Variants in SPDL1 observed in about 807,000 individuals in gnomAD.
The protein encoded by SPDL1 is protein Spindly.
Under a neutral mutation model 79.5 loss-of-function variants are expected in SPDL1, and 85 were observed. That is an observed-to-expected ratio of 1.07 (90% confidence interval 0.90 to 1.28). The LOEUF (loss-of-function observed/expected upper bound fraction) is 1.28. SPDL1 is among the 50% of genes most tolerant of loss of function. The pLI is 0.00. For missense variants in SPDL1, 703 were observed against 697.8 expected, an observed-to-expected ratio of 1.01 and a Z score of -0.08; for synonymous variants, 269 against 240.3, an observed-to-expected ratio of 1.12 and a Z score of -1.10.
At chr5:169,600,096 T>C (rs992550232) in intron 10 of SPDL1, among the ~76,000 whole-genome samples, 1 of 152,184 alleles carries the variant, frequency 6.6e-6, no homozygotes, top group Non-Finnish European at 1.5e-5. Context: ...AAGAATGTGA[T>C]GGTTCTACAA....
intron 7 of SPDL1, chr5:169,595,574 G>A (rs1020846463): frequency 2.0e-5 from 3 of 152,168 alleles, no homozygotes; most frequent in Non-Finnish European, 4.4e-5. Flanking sequence ...GCAAATGAGT[G>A]TTTAATGAAC....
In SPDL1 at chr5:169,601,281, GAC is replaced by G; in HGVS notation, c.1328_1329del (p.Thr443SerfsTer2). 1 of 1,592,482 alleles carries G rather than the reference GAC, an allele frequency of 6.3e-7. No individual in the cohort carries two copies. Among genetic ancestry groups the G allele is most frequent in the Non-Finnish European group, 8.5e-7 (1 of 1,171,072 alleles). On this transcript the variant is annotated frameshift_variant and splice_region_variant, in exon 11 of 12. Transcript: ENST00000265295. LOFTEE classifies it high-confidence loss of function. ...TTCCCCACTCGTTTTTATTCTCAGA[GAC>G]AGTTGAAGTGCCTGTACTGAAAAAG... ...ELKLKYEPEE[T>X]VEVPVLKKRR...
In SPDL1 at chr5:169,594,220, C is replaced by T. The variant is rs753781869; in HGVS notation, c.607C>T (p.Arg203Cys). The change falls in exon 5 of 12, where the codon CGC becomes TGC. Residue 203 changes from arginine (R) to cysteine (C), a missense_variant. Arg to Cys is a radical substitution (Grantham distance 180). Coordinates refer to ENST00000265295, the MANE Select transcript of SPDL1 (RefSeq NM_017785.5). ...QLELLITNLM[R>C]QVDRLKEEKE... ...AGAACTTCTTATTACTAACCTAATGCGCCAGGTAGACCGGCTTAAAGAGGA... is the reference window on the plus strand; with the variant it reads ...AGAACTTCTTATTACTAACCTAATGTGCCAGGTAGACCGGCTTAAAGAGGA... The T allele has an allele frequency of 2.3e-5, 37 of 1,613,678 alleles. No individual in the cohort carries two copies. Among genetic ancestry groups the T allele is most frequent in the Non-Finnish European group, 2.9e-5 (34 of 1,179,674 alleles).
intron 8 of SPDL1, among the ~76,000 whole-genome samples, chr5:169,597,372 A>G (rs1228537890): frequency 6.6e-6 from 1 of 152,058 alleles, no homozygotes; most frequent in Non-Finnish European, 1.5e-5. Flanking sequence ...TTTATCATAC[A>G]TCAAGTTTCC....
chr5:169,603,482 G>A (rs1402659130), intron 11 of SPDL1, among the ~76,000 whole-genome samples: 1 of 152,148 alleles, frequency 6.6e-6, no homozygotes, highest in Non-Finnish European at 1.5e-5. Flanking sequence ...TGTGTTAGGT[G>A]TGCTTATCAT....
chr5:169,588,359 A>G (rs1463087883), intron 1 of SPDL1, 35 bp from the exon 2 acceptor site: 8 of 1,425,716 alleles, frequency 5.6e-6, no homozygotes, highest in East Asian at 2.3e-5. Flanking sequence ...AGTTTTTTGT[A>G]TAAGCTTAAG....
chr5:169,603,798 G>C (rs765606551), intron 11 of SPDL1, among the ~76,000 whole-genome samples: 3 of 152,116 alleles, frequency 2.0e-5, no homozygotes, highest in Non-Finnish European at 4.4e-5. Flanking sequence ...AGGTTGCAGT[G>C]AGCCGAGATC....
chr5:169,593,477 C>G lies in SPDL1; in HGVS notation c.460C>G (p.Arg154Gly), dbSNP rs748059577. The G allele has an allele frequency of 6.2e-7, 1 of 1,613,988 alleles. No individual in the cohort carries two copies. The change falls in exon 4 of 12, where the codon CGT becomes GGT. Residue 154 changes from arginine to glycine, a missense_variant. Coordinates refer to ENST00000265295, the MANE Select transcript of SPDL1 (RefSeq NM_017785.5). ...KSEELRVMSE[R>G]VQESMSSEML... ...AGAGGAACTGCGCGTAATGTCTGAA[C>G]GTGTGCAGGAAAGCATGTCTTCAGA...
chr5:169,593,564 T>C lies in SPDL1; in HGVS notation c.531+16T>C. ...GAGTATGAAGGTAATTTTTATGGCA[T>C]GTGTTTCTCAGGGTTTTCTCTTTTT... On this transcript the variant is annotated intron_variant, in intron 4 of 11. Coordinates refer to ENST00000265295, the MANE Select transcript of SPDL1 (RefSeq NM_017785.5). The C allele has an allele frequency of 1.3e-6, 2 of 1,547,160 alleles. No individual in the cohort carries two copies. Among genetic ancestry groups the C allele is most frequent in the African/African-American group, 1.4e-5 (1 of 71,824 alleles).
chr5:169,599,247 C>G, intron 10 of SPDL1, 88 bp downstream of exon 10: 1 of 1,065,364 alleles, frequency 9.4e-7, no homozygotes, highest in Non-Finnish European at 1.3e-6. Flanking sequence ...TTTTATGCAA[C>G]TCTATTACAA....
At chr5:169,596,726 C>T (rs1755607411) in intron 8 of SPDL1, 25 bp downstream of exon 8, 1 of 1,532,420 alleles carries the variant, frequency 6.5e-7, no homozygotes, top group Non-Finnish European at 8.7e-7. Flanking sequence ...TAAAAAAACA[C>T]ACATCCAAAT....
At position 169,604,241 on chromosome 5, in the gene SPDL1, G is replaced by C. The variant is rs372229701; in HGVS notation, c.*34G>C. 2.0e-6 allele frequency: 3 copies of C among 1,505,612 alleles called. No individual in the cohort carries two copies. Among genetic ancestry groups the C allele is most frequent in the African/African-American group, 2.8e-5 (2 of 70,636 alleles). 93.3% of individuals were successfully genotyped at this position (1,505,612 alleles called of 1,614,324 possible). A position where few individuals can be genotyped will look rare whatever the true frequency, so the allele number is the denominator to read the frequency against. On this transcript the variant is annotated 3_prime_UTR_variant, in exon 12 of 12. Coordinates refer to ENST00000265295, the MANE Select transcript of SPDL1 (RefSeq NM_017785.5). ...CTTTAATAAGAGTACGGTGCCACTT[G>C]CCTCAAAAGTTACTATGGTGCTTAA...
intron 2 of SPDL1, among the ~76,000 whole-genome samples, chr5:169,590,277 A>G (rs1346890892): frequency 6.6e-6 from 1 of 152,248 alleles, no homozygotes; most frequent in Non-Finnish European, 1.5e-5. Context: ...TAAACCAAGA[A>G]CTGAGTGCAA....
intron 9 of SPDL1, 110 bp downstream of exon 9, chr5:169,598,689 G>A: frequency 9.5e-7 from 1 of 1,052,138 alleles, no homozygotes; most frequent in Non-Finnish European, 1.4e-6. Flanking sequence ...TTTCCGAAAA[G>A]AAAGGTAACA....
At chr5:169,601,128 A>G (rs1307562365) in intron 10 of SPDL1, 152 bp from the exon 11 acceptor site, 12 of 628,874 alleles carry the variant, frequency 1.9e-5, no homozygotes, top group Non-Finnish European at 2.7e-5. Context: ...TAAAGAATAA[A>G]AGGTAGAAAC....
At chr5:169,601,827 A>G (rs944784123) in intron 11 of SPDL1, 4 of 668,192 alleles carry the variant, frequency 6.0e-6, no homozygotes, top group African/African-American at 3.6e-5. Context: ...ACTCTTGAAT[A>G]AGGCAATCAC....
In SPDL1 at chr5:169,591,079, G is replaced by A; in HGVS notation, c.191G>A (p.Arg64Lys). 1 of 1,613,724 alleles carries A rather than the reference G, an allele frequency of 6.2e-7. No individual in the cohort carries two copies. The highest frequency in any genetic ancestry group is 8.5e-7 in the Non-Finnish European group (1 of 1,179,882). Residue 64 changes from arginine to lysine, a missense_variant, in exon 3 of 12, where the codon AGA becomes AAA. By Grantham distance (26) the Arg-to-Lys change is conservative. Coordinates refer to ENST00000265295, the MANE Select transcript of SPDL1 (RefSeq NM_017785.5). Reference protein sequence around the residue: ...SYEQEKYTLQREVELKSRMLE... With the variant: ...SYEQEKYTLQKEVELKSRMLE... ...GAACAAGAAAAATATACCCTTCAAA[G>A]AGAAGTTGAACTCAAGAGTCGAATG...
At chr5:169,591,672 A>G (rs976900772) in intron 3 of SPDL1, among the ~76,000 whole-genome samples, 3 of 152,252 alleles carry the variant, frequency 2.0e-5, no homozygotes, top group African/African-American at 7.2e-5. Flanking sequence ...CATGTGCTCC[A>G]GTTCTTACAA....
chr5:169,602,784 T>G (rs184194403), intron 11 of SPDL1, among the ~76,000 whole-genome samples: 135 of 152,342 alleles, frequency 8.9e-4, no homozygotes, highest in Middle Eastern at 3.4e-3. Flanking sequence ...AGCTTACCAT[T>G]CTTAAGGAAA....
Sources: gnomAD v4.1 joint callset for allele counts (sites outside exome capture counted in the v4.1 genomes callset) on GRCh38, gnomAD v4.1.1 for gene constraint, MANE v1.5 for transcripts, NCBI Gene and HGNC (gene_info 2026-07-23, HGNC 2026-07-21) for gene names.